Variants in PCDH9 observed in about 807,000 individuals in gnomAD.
The protein encoded by PCDH9 is protocadherin-9.
Under a neutral mutation model 70.6 loss-of-function variants are expected in PCDH9, and 24 were observed. The observed-to-expected ratio is 0.34, with a 90% CI of 0.25 to 0.48. The LOEUF is 0.48. Among genes scored for constraint, PCDH9 ranks in the 20% least tolerant of loss-of-function variants. The pLI is 0.99. For synonymous variants in PCDH9, 562 were observed against 558.5 expected (o/e 1.01, Z -0.09); for missense variants, 1,281 against 1,503.6 (o/e 0.85, Z 2.45).
intron 4 of PCDH9, among the ~76,000 whole-genome samples, chr13:66,464,700 G>A (rs1456840843): frequency 1.3e-5 from 2 of 151,852 alleles, no homozygotes; most frequent in African/African-American, 4.8e-5. Flanking sequence ...GCTCCAGAGA[G>A]GGGACTGCAA....
intron 4 of PCDH9, among the ~76,000 whole-genome samples, chr13:66,574,388 C>G (rs2076782292): frequency 1.3e-5 from 2 of 152,136 alleles, no homozygotes; most frequent in Admixed American, 6.6e-5. Flanking sequence ...GTGATCTTGT[C>G]TACTGATACA....
At chr13:67,109,210 T>G (rs1191532603) in intron 2 of PCDH9, among the ~76,000 whole-genome samples, 1 of 152,148 alleles carries the variant, frequency 6.6e-6, no homozygotes, top group Admixed American at 6.6e-5. Context: ...TGAAACTGGG[T>G]TCTCCACCTT....
intron 4 of PCDH9, among the ~76,000 whole-genome samples, chr13:66,566,746 T>TAAAA (rs2076658212): frequency 1.3e-5 from 2 of 151,890 alleles, no homozygotes; most frequent in East Asian, 3.9e-4. Flanking sequence ...GGGCCCGTCT[T>TAAAA]GATGGTCAAT....
intron 4 of PCDH9, among the ~76,000 whole-genome samples, chr13:66,622,933 C>T (rs2077446466): frequency 6.6e-6 from 1 of 152,094 alleles, no homozygotes; most frequent in Non-Finnish European, 1.5e-5. Flanking sequence ...CTGAAGCCAG[C>T]GAGACCACGA....
intron 4 of PCDH9, among the ~76,000 whole-genome samples, chr13:66,478,517 T>G (rs971569699): frequency 6.6e-6 from 1 of 152,182 alleles, no homozygotes; most frequent in African/African-American, 2.4e-5. Flanking sequence ...GGAAAGTTAT[T>G]GAAGGAAATT....
Position 66,483,827 on chromosome 13 carries a change from C to T in PCDH9, c.3340+147383G>A, listed in dbSNP as rs367837657. On this transcript the variant is annotated intron_variant, in intron 4 of 4. Coordinates refer to ENST00000377865, the MANE Select transcript of PCDH9 (RefSeq NM_203487.3). ...CCCAAGACCACCCTGGCCTGCCACG[C>T]CCCCTTCCTGGGCCTATAAAAACTG... 5.9e-5 allele frequency among the ~76,000 whole-genome samples: 9 copies of T among 152,256 alleles called. No homozygotes were observed. In the East Asian group the frequency reaches 9.7e-4, roughly 16 times the overall value.
chr13:66,358,747 T>C (rs1440606719), intron 4 of PCDH9, among the ~76,000 whole-genome samples: 3 of 151,940 alleles, frequency 2.0e-5, no homozygotes, highest in Non-Finnish European at 2.9e-5. Flanking sequence ...CATTAGACCA[T>C]TAGTTTCAGT....
At chr13:66,831,579 C>T (rs768474028) in intron 3 of PCDH9, among the ~76,000 whole-genome samples, 1 of 152,088 alleles carries the variant, frequency 6.6e-6, no homozygotes, top group Non-Finnish European at 1.5e-5. Context: ...AAGCCGAGAA[C>T]ATTTAAAAAG....
intron 2 of PCDH9, among the ~76,000 whole-genome samples, chr13:67,064,910 AGATAGAT>A (rs1566400163): frequency 6.6e-5 from 10 of 151,592 alleles, no homozygotes; most frequent in Admixed American, 2.0e-4. Context: ...ATAGATAGAT[AGATAGAT>A]AGATAGATAG....
At chr13:66,498,151 AT>A (rs924281408) in intron 4 of PCDH9, among the ~76,000 whole-genome samples, 102 of 142,108 alleles carry the variant, frequency 7.2e-4, no homozygotes, top group Non-Finnish European at 8.3e-4. Flanking sequence ...TATTATTATT[AT>A]TTTTTTTTTG....
At chr13:66,364,013 G>T (rs1956513653) in intron 4 of PCDH9, among the ~76,000 whole-genome samples, 1 of 151,898 alleles carries the variant, frequency 6.6e-6, no homozygotes, top group African/African-American at 2.4e-5. Context: ...AAATTAGCCG[G>T]GTATGTTGGC....
At chr13:67,046,443 T>C (rs769851912) in intron 2 of PCDH9, among the ~76,000 whole-genome samples, 1 of 152,118 alleles carries the variant, frequency 6.6e-6, no homozygotes, top group Non-Finnish European at 1.5e-5. Context: ...AATGCAAATA[T>C]AAAAATATAA....
chr13:66,711,392 C>T (rs1405884271), intron 3 of PCDH9, among the ~76,000 whole-genome samples: 2 of 128,620 alleles, frequency 1.6e-5, no homozygotes, highest in Non-Finnish European at 3.4e-5. Flanking sequence ...AAGAAAATTG[C>T]AAAAAAAAAA....
At chr13:66,716,399 A>G (rs1034720271) in intron 3 of PCDH9, among the ~76,000 whole-genome samples, 6 of 152,136 alleles carry the variant, frequency 3.9e-5, no homozygotes, top group African/African-American at 1.4e-4. Context: ...TGTAGAGGAG[A>G]CCAGTGGGTC....
At chr13:66,804,985 C>T (rs2139348258) in intron 3 of PCDH9, among the ~76,000 whole-genome samples, 1 of 152,188 alleles carries the variant, frequency 6.6e-6, no homozygotes, top group Admixed American at 6.5e-5. Context: ...ATTGGCTAAG[C>T]TTACTAACCA....
Position 66,792,152 on chromosome 13 carries a change from T to C in PCDH9, c.3138+111352A>G, listed in dbSNP as rs145034673. On this transcript the variant is annotated intron_variant, in intron 3 of 4. Coordinates refer to ENST00000377865, the MANE Select transcript of PCDH9 (RefSeq NM_203487.3). ...AGTCAGTAAATGAAAACATTTTTCT[T>C]GTTGGTCAATCTATTACCTTCGAGA... 1.2e-3 allele frequency among the ~76,000 whole-genome samples: 182 copies of C among 152,334 alleles called. 1 individual carries two copies. Among genetic ancestry groups the C allele is most frequent in the Non-Finnish European group, 1.8e-3 (121 of 68,042 alleles).
intron 2 of PCDH9, among the ~76,000 whole-genome samples, chr13:67,003,431 T>A (rs962152761): frequency 6.6e-6 from 1 of 152,178 alleles, no homozygotes; most frequent in African/African-American, 2.4e-5. Flanking sequence ...ATTATTAACA[T>A]GTATTGTTAT....
chr13:66,410,851 T>C (rs942918639), intron 4 of PCDH9, among the ~76,000 whole-genome samples: 4 of 152,234 alleles, frequency 2.6e-5, no homozygotes, highest in African/African-American at 9.6e-5. Context: ...TTTCTTCCTA[T>C]ATCTCTGTTA....
chr13:66,622,977 C>T (rs1041441397), intron 4 of PCDH9, among the ~76,000 whole-genome samples: 1 of 152,082 alleles, frequency 6.6e-6, no homozygotes, highest in Admixed American at 6.6e-5. Context: ...TCCAGACGGG[C>T]CCCCTTAAGA....
Sources: gnomAD v4.1 joint callset for allele counts (sites outside exome capture counted in the v4.1 genomes callset) on GRCh38, gnomAD v4.1.1 for gene constraint, MANE v1.5 for transcripts, NCBI Gene and HGNC (gene_info 2026-07-23, HGNC 2026-07-21) for gene names.